Variants in CASR observed in about 807,000 individuals in gnomAD.
CASR encodes the protein calcium sensing receptor, also known as extracellular calcium-sensing receptor.
A neutral mutation model predicts 69.1 loss-of-function variants in CASR; 23 were observed. That is an observed-to-expected ratio of 0.33 (90% confidence interval 0.24 to 0.47). CASR has a LOEUF of 0.47. Among genes scored for constraint, CASR ranks in the 20% least tolerant of loss-of-function variants. The probability of loss-of-function intolerance (pLI) is 1.00; values close to 1 mark genes in which losing one functional copy is unlikely to be tolerated. For missense variants in CASR, 924 were observed against 1,356.1 expected (o/e 0.68, Z 5.00); for synonymous variants, 541 against 544.7 (o/e 0.99, Z 0.10).
intron 1 of CASR, among the ~76,000 whole-genome samples, chr3:122,217,339 A>G (rs2074127111): frequency 1.3e-5 from 2 of 152,068 alleles, no homozygotes. Flanking sequence ...GAGTTCAAGC[A>G]ATCTGCCTGC....
At chr3:122,195,019 C>A (rs115956624) in intron 1 of CASR, among the ~76,000 whole-genome samples, 3 of 115,292 alleles carry the variant, frequency 2.6e-5, no homozygotes, top group Admixed American at 7.8e-5. Context: ...TCCTCCTCCT[C>A]CTTTTTCCTC....
intron 1 of CASR, among the ~76,000 whole-genome samples, chr3:122,233,635 T>C (rs1012287314): frequency 6.6e-6 from 1 of 152,224 alleles, no homozygotes; most frequent in African/African-American, 2.4e-5. Context: ...ACTTGAAGTC[T>C]GGGCTTCCTC....
chr3:122,213,976 G>A (rs184759483), intron 1 of CASR, among the ~76,000 whole-genome samples: 1 of 152,288 alleles, frequency 6.6e-6, no homozygotes, highest in East Asian at 1.9e-4. Flanking sequence ...TGTCTTGTCT[G>A]CCCATGTTTA....
At position 122,289,766 on chromosome 3, in the gene CASR, A is replaced by T. The variant is rs944104923; in HGVS notation, c.*4575A>T. The T allele has an allele frequency of 5.2e-5, 8 of 152,434 alleles. No homozygotes were observed. Among genetic ancestry groups the T allele is most frequent in the African/African-American group, 1.9e-4 (8 of 41,440 alleles). 9.4% of individuals were successfully genotyped at this position (152,434 alleles called of 1,614,324 possible). ...GAGGACACTTGGAGTGGAGACAAGC[A>T]GGGGTACCTGTTTAAATCAACAGCT... On this transcript the variant is annotated 3_prime_UTR_variant, in exon 7 of 7. Transcript: ENST00000639785.
At chr3:122,186,532 C>T (rs2107576768) in intron 1 of CASR, among the ~76,000 whole-genome samples, 1 of 152,308 alleles carries the variant, frequency 6.6e-6, no homozygotes, top group Middle Eastern at 3.4e-3. Context: ...ATGTGCCAGT[C>T]ACTGGGAACT....
chr3:122,281,079 GTGAAGCAATGATAAAAT>G (rs1250789577), intron 5 of CASR, among the ~76,000 whole-genome samples: 1 of 152,250 alleles, frequency 6.6e-6, no homozygotes, highest in Non-Finnish European at 1.5e-5. Flanking sequence ...TCTTGAAATG[GTGAAGCAATGATAAAAT>G]TGAACAAAAC....
Position 122,290,869 on chromosome 3 carries a change from T to G in CASR, c.*5678T>G. 1 of 123,290 alleles carries G rather than the reference T, an allele frequency of 8.1e-6. No homozygotes were observed. The highest frequency in any genetic ancestry group is 1.7e-5 in the Non-Finnish European group (1 of 59,506). The allele number at this position is 123,290 out of a possible 1,614,324, so 7.6% of individuals were successfully genotyped here. On this transcript the variant is annotated 3_prime_UTR_variant, in exon 7 of 7. Transcript: ENST00000639785. Reference sequence around the variant, plus strand: ...CCATTAGGTATATCTCCTAATGCTATCCCTCCCCCCTCCCCCCACCCCACA... The same window carrying G: ...CCATTAGGTATATCTCCTAATGCTAGCCCTCCCCCCTCCCCCCACCCCACA...
chr3:122,186,021 A>G (rs1373440568), intron 1 of CASR, among the ~76,000 whole-genome samples: 1 of 152,108 alleles, frequency 6.6e-6, no homozygotes, highest in Non-Finnish European at 1.5e-5. Context: ...CAAGACTTCT[A>G]TGCTAGACCA....
chr3:122,259,346 A>C (rs1356776455), intron 3 of CASR, among the ~76,000 whole-genome samples: 1 of 152,154 alleles, frequency 6.6e-6, no homozygotes, highest in African/African-American at 2.4e-5. Flanking sequence ...TTAGAGGCCT[A>C]TTGTTTGGGT....
At chr3:122,205,976 C>T (rs2074002706) in intron 1 of CASR, among the ~76,000 whole-genome samples, 1 of 151,794 alleles carries the variant, frequency 6.6e-6, no homozygotes. Flanking sequence ...TTGGTGGAGT[C>T]TTTAGGTTTT....
chr3:122,230,687 C>A (rs1165109164), intron 1 of CASR, among the ~76,000 whole-genome samples: 1 of 152,138 alleles, frequency 6.6e-6, no homozygotes, highest in Admixed American at 6.5e-5. Flanking sequence ...GAGGTTCCAC[C>A]TGCATAGAAG....
At chr3:122,246,597 C>T (rs7631959) in intron 1 of CASR, 151,619 of 152,350 alleles carry the variant, frequency 1, 75,449 homozygotes, top group Middle Eastern at 1. Context: ...GATGTCCCCA[C>T]GATGTGCTAG....
chr3:122,231,417 A>G (rs993039934), intron 1 of CASR, among the ~76,000 whole-genome samples: 1 of 152,216 alleles, frequency 6.6e-6, no homozygotes, highest in Admixed American at 6.5e-5. Flanking sequence ...ACGAAGAGCT[A>G]ATGTTTTTTG....
At chr3:122,249,231 A>C (rs1005603193) in intron 1 of CASR, among the ~76,000 whole-genome samples, 7 of 152,252 alleles carry the variant, frequency 4.6e-5, no homozygotes, top group African/African-American at 1.7e-4. Flanking sequence ...CCCCACCTTG[A>C]CTTAATTCTC....
At chr3:122,243,518 C>A (rs1206146352) in intron 1 of CASR, among the ~76,000 whole-genome samples, 1 of 151,886 alleles carries the variant, frequency 6.6e-6, no homozygotes, top group Non-Finnish European at 1.5e-5. Context: ...AAAAGACGGG[C>A]AATAATGAAT....
At chr3:122,240,570 A>G (rs763113230) in intron 1 of CASR, among the ~76,000 whole-genome samples, 2 of 152,202 alleles carry the variant, frequency 1.3e-5, no homozygotes, top group Non-Finnish European at 2.9e-5. Context: ...AAGAGACCAC[A>G]GTACAATAAT....
At chr3:122,250,912 G>A (rs2074476509) in intron 1 of CASR, among the ~76,000 whole-genome samples, 1 of 152,150 alleles carries the variant, frequency 6.6e-6, no homozygotes, top group African/African-American at 2.4e-5. Flanking sequence ...TGGACTGAGA[G>A]CTCCTGAGGA....
chr3:122,232,596 G>A (rs879695496), intron 1 of CASR, among the ~76,000 whole-genome samples: 3 of 152,324 alleles, frequency 2.0e-5, no homozygotes, highest in Non-Finnish European at 4.4e-5. Context: ...AGATGCAGCC[G>A]GAGAGGAGGC....
At chr3:122,191,699 G>T (rs542962891) in intron 1 of CASR, among the ~76,000 whole-genome samples, 6 of 152,212 alleles carry the variant, frequency 3.9e-5, no homozygotes, top group Admixed American at 6.5e-5. Context: ...AAGCCAAAAG[G>T]TTCAAATTTG....
Sources: allele counts gnomAD v4.1 joint callset (sites outside exome capture counted in the v4.1 genomes callset), GRCh38; gene constraint gnomAD v4.1.1; transcripts MANE v1.5; gene names NCBI Gene and HGNC (gene_info 2026-07-23, HGNC 2026-07-21).